The following CDH8 variants were observed in gnomAD, a reference collection of about 807,000 sequenced individuals.
CDH8 encodes the protein cadherin-8.
Under a neutral mutation model 68.1 loss-of-function variants are expected in CDH8, and 17 were observed. The observed-to-expected ratio is 0.25, with a 90% CI of 0.17 to 0.37. The LOEUF is 0.37. Ranked by LOEUF, CDH8 falls within the 10% of genes least tolerant of loss-of-function variation. The pLI, the probability that CDH8 is intolerant of heterozygous loss-of-function variation, is 1.00. For missense variants in CDH8, 763 were observed against 999.3 expected, an observed-to-expected ratio of 0.76 and a Z score of 3.19; for synonymous variants, 372 against 365.1, an observed-to-expected ratio of 1.02 and a Z score of -0.21.
chr16:61,744,785 T>A (rs940236578), intron 8 of CDH8, among the ~76,000 whole-genome samples: 10 of 151,342 alleles, frequency 6.6e-5, no homozygotes, highest in African/African-American at 2.4e-4. Flanking sequence ...AAATAATGTA[T>A]CAAACATTAT....
intron 3 of CDH8, among the ~76,000 whole-genome samples, chr16:61,892,170 G>A (rs575522945): frequency 6.6e-6 from 1 of 152,206 alleles, no homozygotes; most frequent in African/African-American, 2.4e-5. Context: ...GTAACCTGTA[G>A]TCATCATAAT....
At chr16:61,691,204 A>G (rs889634999) in intron 10 of CDH8, among the ~76,000 whole-genome samples, 1 of 151,922 alleles carries the variant, frequency 6.6e-6, no homozygotes, top group Non-Finnish European at 1.5e-5. Context: ...ACACGCTATT[A>G]TTGTCCCTCT....
At chr16:61,838,144 T>C (rs1962607842) in intron 4 of CDH8, among the ~76,000 whole-genome samples, 1 of 152,100 alleles carries the variant, frequency 6.6e-6, no homozygotes, top group South Asian at 2.1e-4. Flanking sequence ...ATTAACTCTA[T>C]ATCAAATAGG....
chr16:61,797,079 C>T (rs1316061025), intron 7 of CDH8, among the ~76,000 whole-genome samples: 1 of 151,990 alleles, frequency 6.6e-6, no homozygotes, highest in Non-Finnish European at 1.5e-5. Context: ...CACAAAAATT[C>T]CACCTCTTTC....
At chr16:61,811,439 C>T (rs1053530071) in intron 7 of CDH8, among the ~76,000 whole-genome samples, 4 of 152,046 alleles carry the variant, frequency 2.6e-5, no homozygotes, top group South Asian at 2.1e-4. Context: ...GGTTCTTATA[C>T]GCTGTTGGTG....
chr16:61,802,188 AC>A (rs1253493542), intron 7 of CDH8, among the ~76,000 whole-genome samples: 4 of 102,014 alleles, frequency 3.9e-5, no homozygotes, highest in African/African-American at 9.0e-5. Flanking sequence ...ACTGGGAGGC[AC>A]CCCCCAGCAG....
At chr16:61,962,706 A>G (rs1376502694) in intron 2 of CDH8, among the ~76,000 whole-genome samples, 1 of 152,212 alleles carries the variant, frequency 6.6e-6, no homozygotes, top group Non-Finnish European at 1.5e-5. Flanking sequence ...GCAAAACGGA[A>G]CAAAAGTATA....
At chr16:61,708,368 A>G (rs557258432) in intron 10 of CDH8, among the ~76,000 whole-genome samples, 19 of 152,302 alleles carry the variant, frequency 1.2e-4, no homozygotes, top group African/African-American at 4.6e-4. Flanking sequence ...TTTCCATAAC[A>G]TACACTAAAA....
At chr16:61,710,951 T>G (rs1201044987) in intron 10 of CDH8, 4 of 152,022 alleles carry the variant, frequency 2.6e-5, no homozygotes, top group Non-Finnish European at 4.4e-5. Context: ...TGCTTATAAA[T>G]TCAGCCAACT....
At chr16:61,978,060 A>G (rs1597104087) in intron 2 of CDH8, among the ~76,000 whole-genome samples, 1 of 152,222 alleles carries the variant, frequency 6.6e-6, no homozygotes, top group East Asian at 1.9e-4. Context: ...GTTTAAGTCC[A>G]GAATCTACAG....
intron 1 of CDH8, among the ~76,000 whole-genome samples, chr16:62,025,523 A>G (rs1346960743): frequency 6.6e-6 from 1 of 152,102 alleles, no homozygotes; most frequent in Non-Finnish European, 1.5e-5. Context: ...AGTCAATGGT[A>G]TAGCCCCGGG....
At chr16:61,991,995 G>A (rs1394208680) in intron 2 of CDH8, among the ~76,000 whole-genome samples, 1 of 151,454 alleles carries the variant, frequency 6.6e-6, no homozygotes, top group Non-Finnish European at 1.5e-5. Context: ...GCCAGATAAT[G>A]TAGTGAATCT....
intron 2 of CDH8, among the ~76,000 whole-genome samples, chr16:61,995,510 T>A (rs957242181): frequency 5.3e-5 from 8 of 152,144 alleles, no homozygotes; most frequent in African/African-American, 1.7e-4. Flanking sequence ...CCCGAGTAGC[T>A]GGGACTACAG....
intron 2 of CDH8, among the ~76,000 whole-genome samples, chr16:62,018,917 A>G (rs190099571): frequency 2.9e-3 from 445 of 152,306 alleles, no homozygotes; most frequent in Non-Finnish European, 3.3e-3. Flanking sequence ...CTATTACTTC[A>G]TGTAAGGAAT....
chr16:61,731,751 CAT>C (rs1362332210), intron 8 of CDH8, among the ~76,000 whole-genome samples: 1 of 151,516 alleles, frequency 6.6e-6, no homozygotes, highest in East Asian at 1.9e-4. Context: ...AATAAACAAA[CAT>C]AGGTCAGAGA....
intron 7 of CDH8, among the ~76,000 whole-genome samples, chr16:61,811,587 A>C (rs1209094258): frequency 6.6e-6 from 1 of 152,186 alleles, no homozygotes; most frequent in African/African-American, 2.4e-5. Context: ...TATTAAAAAG[A>C]TATTAGCACT....
rs370444464 is a variant in CDH8 at position 61,702,100 on chromosome 16, C to T, written c.1654+11741G>A. 3.0e-4 allele frequency among the ~76,000 whole-genome samples: 45 copies of T among 152,280 alleles called. 1 individual carries two copies. The South Asian group carries it at 8.5e-3, about 29-fold the overall frequency. On this transcript the variant is annotated intron_variant, in intron 10 of 11. Transcript: ENST00000577390. Reference sequence around the variant, plus strand: ...AAAATAAGTCATACTTGGCCAGGCGCGGTGGCTCACTCCTGTAATCTCAGC... The same window carrying T: ...AAAATAAGTCATACTTGGCCAGGCGTGGTGGCTCACTCCTGTAATCTCAGC...
intron 3 of CDH8, among the ~76,000 whole-genome samples, chr16:61,879,426 G>C (rs1230764672): frequency 6.6e-6 from 1 of 152,118 alleles, no homozygotes; most frequent in Non-Finnish European, 1.5e-5. Context: ...CACATTTCAG[G>C]AATCAGCAGC....
At chr16:61,654,886 C>T (rs551159323) in intron 11 of CDH8, among the ~76,000 whole-genome samples, 80 of 152,194 alleles carry the variant, frequency 5.3e-4, no homozygotes, top group Middle Eastern at 3.4e-3. Flanking sequence ...ACTGTATAAT[C>T]GCATTGTTAT....
Sources: gnomAD v4.1 joint callset for allele counts (sites outside exome capture counted in the v4.1 genomes callset) on GRCh38, gnomAD v4.1.1 for gene constraint, MANE v1.5 for transcripts, NCBI Gene and HGNC (gene_info 2026-07-23, HGNC 2026-07-21) for gene names.